EFHC1: variants seen among roughly 807,000 people sequenced by gnomAD.
EFHC1 encodes EF-hand domain-containing protein 1.
EFHC1 carries 53 observed loss-of-function variants against 69.9 expected under a neutral mutation model. That is an observed-to-expected ratio of 0.76 (90% CI 0.61 to 0.95). The LOEUF (loss-of-function observed/expected upper bound fraction) is 0.95, where lower values mean the gene tolerates loss of function less well. Among genes scored for constraint, EFHC1 ranks in the 40% least tolerant of loss-of-function variants. The pLI is 0.00. For synonymous variants in EFHC1, 256 were observed against 278.4 expected, an observed-to-expected ratio of 0.92 and a Z score of 0.80; for missense variants, 739 against 798.7, an observed-to-expected ratio of 0.93 and a Z score of 0.90.
chr6:52,453,987 A>G lies in EFHC1; in HGVS notation c.724-108A>G, dbSNP rs757653322. On this transcript the variant is annotated intron_variant, in intron 4 of 10. Transcript: ENST00000371068. ...AATTTACCCCATCTGAAATTACTTC[A>G]TAGTCTTTCCAGCTAGTCTTTCCAT... is the stretch of plus-strand genomic sequence containing the variant. The G allele has an allele frequency of 1.2e-5, 19 of 1,589,736 alleles. 1 individual carries two copies. The South Asian group carries it at 1.8e-4, about 15-fold the overall frequency.
At chr6:52,438,686 G>C (rs1006361199) in intron 3 of EFHC1, 95 bp downstream of exon 3, 26 of 1,339,446 alleles carry the variant, frequency 1.9e-5, no homozygotes, top group Non-Finnish European at 2.8e-5. Flanking sequence ...GGAGGACATT[G>C]GTAATCTGTC....
intron 1 of EFHC1, among the ~76,000 whole-genome samples, chr6:52,421,974 G>T (rs1237533778): frequency 2.0e-5 from 3 of 152,198 alleles, no homozygotes; most frequent in African/African-American, 7.2e-5. Flanking sequence ...ACATATTTCA[G>T]ATTTTAAATA....
chr6:52,452,134 A>G (rs1344760185), intron 3 of EFHC1, among the ~76,000 whole-genome samples: 1 of 152,236 alleles, frequency 6.6e-6, no homozygotes, highest in African/African-American at 2.4e-5. Flanking sequence ...CAACTAGCTT[A>G]GCAAATACCT....
chr6:52,463,179 C>T (rs1465201715), intron 5 of EFHC1, among the ~76,000 whole-genome samples: 1 of 146,730 alleles, frequency 6.8e-6, no homozygotes, highest in Admixed American at 7.0e-5. Flanking sequence ...AGGTGCCCGC[C>T]ACCACACCCA....
Position 52,494,173 on chromosome 6 carries a change from C to T in EFHC1, c.*1832C>T, listed in dbSNP as rs891010859. 4.4e-6 allele frequency: 2 copies of T among 454,076 alleles called. No individual in the cohort carries two copies. Among genetic ancestry groups the T allele is most frequent in the Non-Finnish European group, 4.4e-6 (1 of 226,786 alleles). 28.1% of individuals were successfully genotyped at this position (454,076 alleles called of 1,614,324 possible). A position where few individuals can be genotyped will look rare whatever the true frequency, so the allele number is the denominator to read the frequency against. ...TAAAAAATATCACAAGTTGAAAACA[C>T]ATTTAATAACCCTGATAAGCCCATT... is the stretch of plus-strand genomic sequence containing the variant. On this transcript the variant is annotated 3_prime_UTR_variant, in exon 11 of 11. Transcript: ENST00000371068.
At chr6:52,473,869 T>TA (rs562925936) in intron 7 of EFHC1, among the ~76,000 whole-genome samples, 26 of 152,040 alleles carry the variant, frequency 1.7e-4, no homozygotes, top group East Asian at 5.8e-4. Flanking sequence ...ATTAAGATTG[T>TA]AAAAAAAGGC....
chr6:52,493,364 A>G lies in EFHC1; in HGVS notation c.*1023A>G. ...TATAACTCTCTCTTTCTCTCTCTCT[A>G]CATATATATATATATATATATTTTA... On this transcript the variant is annotated 3_prime_UTR_variant, in exon 11 of 11. Coordinates refer to ENST00000371068, the MANE Select transcript of EFHC1 (RefSeq NM_018100.4). 1 of 246,370 alleles carries G rather than the reference A, an allele frequency of 4.1e-6. No homozygotes were observed. The highest frequency in any genetic ancestry group is 5.0e-5 in the Admixed American group (1 of 20,122). 15.3% of individuals were successfully genotyped at this position (246,370 alleles called of 1,614,324 possible). A position where few individuals can be genotyped will look rare whatever the true frequency, so the allele number is the denominator to read the frequency against.
chr6:52,479,980 G>A, intron 9 of EFHC1, 193 bp downstream of exon 9: 1 of 874,214 alleles, frequency 1.1e-6, no homozygotes, highest in Non-Finnish European at 1.7e-6. Flanking sequence ...CATTTGTTTA[G>A]CAAATACAGT....
intron 1 of EFHC1, chr6:52,423,664 T>TTTTTTTTTC: frequency 4.5e-6 from 2 of 444,798 alleles, no homozygotes; most frequent in South Asian, 6.2e-5. Flanking sequence ...CTAATTTTTT[T>TTTTTTTTTC]TTTTTTTTTT....
intron 9 of EFHC1, chr6:52,485,121 G>A (rs1173800353): frequency 6.6e-6 from 1 of 152,012 alleles, no homozygotes; most frequent in African/African-American, 2.4e-5. Flanking sequence ...AGCTCTCCAG[G>A]AAAGTGGGAG....
At chr6:52,427,688 A>G (rs1037551274) in intron 2 of EFHC1, among the ~76,000 whole-genome samples, 2 of 152,166 alleles carry the variant, frequency 1.3e-5, no homozygotes, top group African/African-American at 4.8e-5. Flanking sequence ...TTAGTGCTCA[A>G]TAAATATCAG....
chr6:52,492,407 C>T lies in EFHC1; in HGVS notation c.*66C>T. ...ACTATGCTTTGAAATACACCTTACA[C>T]TCTTCATAGAGGCATTTACAGGGTT... On this transcript the variant is annotated 3_prime_UTR_variant, in exon 11 of 11. Transcript: ENST00000371068. 1.4e-6 allele frequency: 2 copies of T among 1,459,688 alleles called. No individual in the cohort carries two copies. Among genetic ancestry groups the T allele is most frequent in the South Asian group, 1.2e-5 (1 of 86,864 alleles). 90.4% of individuals were successfully genotyped at this position (1,459,688 alleles called of 1,614,324 possible). A position where few individuals can be genotyped will look rare whatever the true frequency, so the allele number is the denominator to read the frequency against.
chr6:52,449,665 G>T (rs562212688), intron 3 of EFHC1, among the ~76,000 whole-genome samples: 1 of 152,120 alleles, frequency 6.6e-6, no homozygotes. Flanking sequence ...GGGGTCAGTG[G>T]TAACATCCCC....
At chr6:52,491,136 C>T (rs1562466386) in intron 10 of EFHC1, 1 of 152,160 alleles carries the variant, frequency 6.6e-6, no homozygotes, top group Non-Finnish European at 1.5e-5. Context: ...TAGACAGAAA[C>T]ATTAGCAGGG....
chr6:52,478,676 GTGTT>G (rs1212569723), intron 7 of EFHC1, among the ~76,000 whole-genome samples: 3 of 152,160 alleles, frequency 2.0e-5, no homozygotes, highest in Admixed American at 1.3e-4. Context: ...CTAGTATACT[GTGTT>G]TGTTTGGGCT....
chr6:52,494,119 G>A lies in EFHC1; in HGVS notation c.*1778G>A. Reference sequence around the variant, plus strand: ...CAAGTACAGATGCTCCTCTACTTATGGGGCTATGTCTCAATAAACTCACGT... The same window carrying A: ...CAAGTACAGATGCTCCTCTACTTATAGGGCTATGTCTCAATAAACTCACGT... On this transcript the variant is annotated 3_prime_UTR_variant, in exon 11 of 11. Transcript: ENST00000371068. The A allele has an allele frequency of 2.2e-6, 1 of 454,002 alleles. No homozygotes were observed. The highest frequency in any genetic ancestry group is 4.4e-6 in the Non-Finnish European group (1 of 226,788). The allele number at this position is 454,002 out of a possible 1,614,324, so 28.1% of individuals were successfully genotyped here.
chr6:52,434,460 G>A (rs748548814), intron 2 of EFHC1, among the ~76,000 whole-genome samples: 26 of 152,154 alleles, frequency 1.7e-4, no homozygotes, highest in Non-Finnish European at 3.1e-4. Context: ...AGGTTCCTCA[G>A]TGGGGGTGTG....
At chr6:52,476,161 G>T (rs1765541861) in intron 7 of EFHC1, among the ~76,000 whole-genome samples, 1 of 152,136 alleles carries the variant, frequency 6.6e-6, no homozygotes, top group African/African-American at 2.4e-5. Flanking sequence ...GGGCTGATGG[G>T]AGCAGTCCAG....
Position 52,438,473 on chromosome 6 carries a change from A to G in EFHC1, c.455A>G (p.Gln152Arg), listed in dbSNP as rs770439499. 1.2e-6 allele frequency: 2 copies of G among 1,613,972 alleles called. No homozygotes were observed. Among genetic ancestry groups the G allele is most frequent in the Non-Finnish European group, 1.7e-6 (2 of 1,180,002 alleles). ...GILQGKLIKR[Q>R]RLAKNDRGDH... Reference sequence around the variant, plus strand: ...CTTCAAGGCAAGTTAATAAAACGCCAGCGGCTAGCCAAGAATGACCGGGGT... The same window carrying G: ...CTTCAAGGCAAGTTAATAAAACGCCGGCGGCTAGCCAAGAATGACCGGGGT... Residue 152 changes from glutamine to arginine, a missense_variant, in exon 3 of 11, where the codon CAG (glutamine) becomes CGG (arginine). Coordinates refer to ENST00000371068, the MANE Select transcript of EFHC1 (RefSeq NM_018100.4).
Sources: gnomAD v4.1 joint callset for allele counts (sites outside exome capture counted in the v4.1 genomes callset) on GRCh38, gnomAD v4.1.1 for gene constraint, MANE v1.5 for transcripts, NCBI Gene and HGNC (gene_info 2026-07-23, HGNC 2026-07-21) for gene names.